The following DRAM1 variants were observed in gnomAD, a reference collection of about 807,000 sequenced individuals.
DRAM1 encodes DNA damage-regulated autophagy modulator protein 1.
Under a neutral mutation model 28.5 loss-of-function variants are expected in DRAM1, and 25 were observed. The observed-to-expected ratio is 0.88, with a 90% confidence interval of 0.64 to 1.23. The LOEUF is 1.23. Among genes scored for constraint, DRAM1 ranks in the 50% most tolerant of loss-of-function variants. The pLI is 0.00. For missense variants in DRAM1, 249 were observed against 299.2 expected (o/e 0.83, Z 1.24); for synonymous variants, 113 against 114.2 (o/e 0.99, Z 0.07).
At chr12:101,881,245 A>T (rs2256791) in intron 1 of DRAM1, among the ~76,000 whole-genome samples, 12,137 of 152,228 alleles carry the variant, frequency 0.08, 657 homozygotes, top group Non-Finnish European at 0.12. Flanking sequence ...GTGCCACTGC[A>T]CTCCAGTCTG....
At chr12:101,904,794 C>T (rs1010901375) in intron 3 of DRAM1, among the ~76,000 whole-genome samples, 3 of 152,010 alleles carry the variant, frequency 2.0e-5, no homozygotes, top group African/African-American at 7.2e-5. Flanking sequence ...TTGTTATTAC[C>T]TTTTAAATTA....
chr12:101,881,351 C>T (rs1419874814), intron 1 of DRAM1, among the ~76,000 whole-genome samples: 3 of 83,354 alleles, frequency 3.6e-5, no homozygotes, highest in African/African-American at 2.8e-4. Context: ...AATATTCAAC[C>T]TTATCCCTTT....
chr12:101,914,160 T>C lies in DRAM1; in HGVS notation c.521-14T>C. Reference sequence around the variant, plus strand: ...TTGTGTGCTGTAGTTTCCTTAACTGTTTACTTCTTTCAGTGATTGTCTGTG... The same window carrying C: ...TTGTGTGCTGTAGTTTCCTTAACTGCTTACTTCTTTCAGTGATTGTCTGTG... On this transcript the variant is annotated splice_polypyrimidine_tract_variant and intron_variant, in intron 4 of 6. Coordinates refer to ENST00000258534, the MANE Select transcript of DRAM1 (RefSeq NM_018370.3). 3 of 1,596,188 alleles carry C rather than the reference T, an allele frequency of 1.9e-6. No individual in the cohort carries two copies. Among genetic ancestry groups the C allele is most frequent in the East Asian group, 2.2e-5 (1 of 44,454 alleles).
chr12:101,893,729 G>C (rs1488253018), intron 1 of DRAM1, among the ~76,000 whole-genome samples: 1 of 151,872 alleles, frequency 6.6e-6, no homozygotes, highest in African/African-American at 2.4e-5. Flanking sequence ...GGTGCCTGGT[G>C]GGTACATAGT....
At chr12:101,878,527 C>A (rs1235616163) in intron 1 of DRAM1, among the ~76,000 whole-genome samples, 1 of 152,212 alleles carries the variant, frequency 6.6e-6, no homozygotes, top group South Asian at 2.1e-4. Context: ...CACCAGACAC[C>A]TCTGGGCACT....
chr12:101,887,906 G>C (rs1164203232), intron 1 of DRAM1, among the ~76,000 whole-genome samples: 1 of 152,054 alleles, frequency 6.6e-6, no homozygotes, highest in East Asian at 1.9e-4. Flanking sequence ...ATTTCAGGCA[G>C]TGGTGATGTT....
chr12:101,908,876 C>A (rs887545891), intron 4 of DRAM1, among the ~76,000 whole-genome samples: 2 of 135,760 alleles, frequency 1.5e-5, no homozygotes, highest in Non-Finnish European at 3.1e-5. Flanking sequence ...AAGCTTGACA[C>A]TTCCCTTCCC....
rs373899697 is a variant in DRAM1, at chr12:101,920,297, C to CTTTTTTTTTTTTTTTTTT, written c.672+98_672+115dup. ...TTTGCATTTTTAAAAAGAGCACTTTCTTTTTTTTTTTTTTTTTTTGAGACG... is the reference window on the plus strand; with the variant it reads ...TTTGCATTTTTAAAAAGAGCACTTTCTTTTTTTTTTTTTTTTTTTTTTTTTTTTTTTTTTTTTGAGACG... On this transcript the variant is annotated intron_variant, in intron 6 of 6. Coordinates refer to ENST00000258534, the MANE Select transcript of DRAM1 (RefSeq NM_018370.3). The CTTTTTTTTTTTTTTTTTT allele has an allele frequency of 4.8e-4, 132 of 277,366 alleles. 1 individual carries two copies. The highest frequency in any genetic ancestry group is 3.9e-3 in the African/African-American group (39 of 10,052). 17.2% of individuals were successfully genotyped at this position (277,366 alleles called of 1,614,324 possible).
intron 4 of DRAM1, among the ~76,000 whole-genome samples, chr12:101,910,936 T>C (rs1395815852): frequency 6.6e-6 from 1 of 152,146 alleles, no homozygotes; most frequent in African/African-American, 2.4e-5. Flanking sequence ...TACAAAGAAT[T>C]GACAGCATCT....
Position 101,920,117 on chromosome 12 carries a change from A to G in DRAM1, c.588A>G (p.Val196=), listed in dbSNP as rs1874421548. ...CTTTATTATTGCATTAGGATTATGT[A>G]TATCACGTAGTGAGTGCGATCTGTG... ...LEWNPREKDY[V]YHVVSAICEW... The change falls in exon 6 of 7, where the codon GTA becomes GTG. Residue 196 remains valine (V), a synonymous_variant. Transcript: ENST00000258534. The G allele has an allele frequency of 1.2e-6, 2 of 1,602,316 alleles. No individual in the cohort carries two copies. Among genetic ancestry groups the G allele is most frequent in the Non-Finnish European group, 1.7e-6 (2 of 1,174,914 alleles).
intron 1 of DRAM1, among the ~76,000 whole-genome samples, chr12:101,887,145 C>CTAAAAA (rs1872913603): frequency 7.8e-6 from 1 of 128,982 alleles, no homozygotes. Context: ...AACTCCGTTT[C>CTAAAAA]AAAAAAAAAA....
chr12:101,902,035 A>G (rs1873624512), intron 3 of DRAM1, among the ~76,000 whole-genome samples: 1 of 152,132 alleles, frequency 6.6e-6, no homozygotes, highest in Non-Finnish European at 1.5e-5. Context: ...TACTTCAGCT[A>G]CTGTGATGAT....
intron 3 of DRAM1, among the ~76,000 whole-genome samples, chr12:101,907,007 G>A (rs1873840501): frequency 6.6e-6 from 1 of 151,626 alleles, no homozygotes; most frequent in Non-Finnish European, 1.5e-5. Context: ...TTACAGGATG[G>A]CAGGGACAGG....
At chr12:101,917,186 G>A (rs1170402592) in intron 5 of DRAM1, among the ~76,000 whole-genome samples, 2 of 152,202 alleles carry the variant, frequency 1.3e-5, no homozygotes, top group Non-Finnish European at 2.9e-5. Flanking sequence ...AATAGTGAGA[G>A]GGATGGTTCT....
intron 1 of DRAM1, among the ~76,000 whole-genome samples, chr12:101,885,218 A>G (rs1179451032): frequency 6.6e-6 from 1 of 152,194 alleles, no homozygotes; most frequent in Non-Finnish European, 1.5e-5. Context: ...CCAGCCTTGC[A>G]TTCTTTTTCC....
intron 1 of DRAM1, among the ~76,000 whole-genome samples, chr12:101,891,039 G>A (rs1490325481): frequency 1.3e-5 from 2 of 152,096 alleles, no homozygotes; most frequent in South Asian, 2.1e-4. Context: ...GTGAGCCACC[G>A]CGCCCGGCCT....
intron 1 of DRAM1, among the ~76,000 whole-genome samples, chr12:101,885,413 C>T (rs2121020014): frequency 6.6e-6 from 1 of 151,828 alleles, no homozygotes; most frequent in African/African-American, 2.4e-5. Context: ...AGCAGGTTGT[C>T]TGTGAATGGT....
chr12:101,899,325 C>T lies in DRAM1; in HGVS notation c.199+1395C>T, dbSNP rs183158112. ...ATTTTATCACAGCAAGTGATAAATA[C>T]GGCTTTTGCTTCTGAATAAAGCAGA... On this transcript the variant is annotated intron_variant, in intron 2 of 6. Coordinates refer to ENST00000258534, the MANE Select transcript of DRAM1 (RefSeq NM_018370.3). Among the ~76,000 whole-genome samples the T allele has an allele frequency of 4.4e-3, 676 of 152,252 alleles. 14 individuals carry two copies. Among genetic ancestry groups the T allele is most frequent in the Admixed American group, 0.039 (594 of 15,280 alleles).
chr12:101,885,515 TC>T (rs1286250585), intron 1 of DRAM1, among the ~76,000 whole-genome samples: 1 of 146,850 alleles, frequency 6.8e-6, no homozygotes, highest in Non-Finnish European at 1.5e-5. Context: ...ACTCCAATTT[TC>T]CCACTGGACT....
Sources: allele counts gnomAD v4.1 joint callset (sites outside exome capture counted in the v4.1 genomes callset), GRCh38; gene constraint gnomAD v4.1.1; transcripts MANE v1.5; gene names NCBI Gene and HGNC (gene_info 2026-07-23, HGNC 2026-07-21).